The following CCSER1 variants were observed in gnomAD, a reference collection of about 807,000 sequenced individuals.
CCSER1 encodes serine-rich coiled-coil domain-containing protein 1.
Under a neutral mutation model 82.0 loss-of-function variants are expected in CCSER1, and 41 were observed. The observed-to-expected ratio is 0.50, with a 90% CI of 0.39 to 0.65. The LOEUF (loss-of-function observed/expected upper bound fraction) is 0.65. Among genes scored for constraint, CCSER1 ranks in the 30% least tolerant of loss-of-function variants. The pLI, the probability that CCSER1 is intolerant of heterozygous loss-of-function variation, is 0.00. For synonymous variants in CCSER1, 414 were observed against 383.9 expected, an observed-to-expected ratio of 1.08 and a Z score of -0.92; for missense variants, 1,119 against 1,064.2, an observed-to-expected ratio of 1.05 and a Z score of -0.72.
chr4:91,136,705 C>T (rs1340067306), intron 10 of CCSER1, among the ~76,000 whole-genome samples: 1 of 152,072 alleles, frequency 6.6e-6, no homozygotes, highest in Non-Finnish European at 1.5e-5. Context: ...TATGAAATAT[C>T]ACTGATAATT....
intron 10 of CCSER1, among the ~76,000 whole-genome samples, chr4:91,454,941 T>G (rs1421944997): frequency 6.6e-6 from 1 of 152,110 alleles, no homozygotes; most frequent in Non-Finnish European, 1.5e-5. Context: ...TCAACTGGAA[T>G]AGTAATTTTC....
intron 10 of CCSER1, among the ~76,000 whole-genome samples, chr4:91,198,273 G>C (rs2149062084): frequency 6.6e-6 from 1 of 152,174 alleles, no homozygotes; most frequent in South Asian, 2.1e-4. Flanking sequence ...TTTAAAAATA[G>C]ATTTTCACAT....
At chr4:90,790,715 A>G (rs897358371) in intron 7 of CCSER1, among the ~76,000 whole-genome samples, 1 of 152,194 alleles carries the variant, frequency 6.6e-6, no homozygotes, top group Non-Finnish European at 1.5e-5. Context: ...CACTATCAGC[A>G]TTTTGGTCAA....
At chr4:91,360,257 C>T (rs1749159774) in intron 10 of CCSER1, among the ~76,000 whole-genome samples, 1 of 151,548 alleles carries the variant, frequency 6.6e-6, no homozygotes, top group Admixed American at 6.6e-5. Flanking sequence ...ATTTTTCTTC[C>T]AGATTTGTTC....
At chr4:91,291,041 C>T (rs1008721222) in intron 10 of CCSER1, among the ~76,000 whole-genome samples, 3 of 151,100 alleles carry the variant, frequency 2.0e-5, no homozygotes, top group Admixed American at 6.6e-5. Flanking sequence ...TAAATTAGCA[C>T]CTCTTATTAA....
rs564744904 is a variant in CCSER1 at position 91,530,705 on chromosome 4, C to CA, written c.2218-67866dup. ...CTTTCTTTTTTTTTTTTTTTTGAGA[C>CA]AGAGTTTTGCTTTGGTTGCCCAGGG... On this transcript the variant is annotated intron_variant, in intron 10 of 10. Transcript: ENST00000509176. 5.3e-4 allele frequency among the ~76,000 whole-genome samples: 73 copies of CA among 137,866 alleles called. No individual in the cohort carries two copies. The East Asian group carries it at 0.015, about 28-fold the overall frequency. 90.4% of individuals were successfully genotyped at this position (137,866 alleles called of 152,430 possible). A position where few individuals can be genotyped will look rare whatever the true frequency, so the allele number is the denominator to read the frequency against.
chr4:91,470,214 A>T (rs536537106), intron 10 of CCSER1, among the ~76,000 whole-genome samples: 1 of 152,302 alleles, frequency 6.6e-6, no homozygotes, highest in Non-Finnish European at 1.5e-5. Context: ...AGTTATAGAC[A>T]CTTAGGTGCT....
chr4:91,502,392 G>GA (rs1759254972), intron 10 of CCSER1, among the ~76,000 whole-genome samples: 1 of 151,672 alleles, frequency 6.6e-6, no homozygotes, highest in African/African-American at 2.4e-5. Context: ...TATATTAAGT[G>GA]AAAAAAATTT....
In CCSER1 at chr4:90,917,407, T is replaced by C. The variant is rs374255172; in HGVS notation, c.2095-5963T>C. Among the ~76,000 whole-genome samples, 18 of 152,104 alleles carry C rather than the reference T, an allele frequency of 1.2e-4. No individual in the cohort carries two copies. In the South Asian group the frequency reaches 1.9e-3, roughly 16 times the overall value. Reference sequence around the variant, plus strand: ...GAAACCATCATTCTCAGCAAACTATTGCAAGGACAAAAAAACAAACACCGC... The same window carrying C: ...GAAACCATCATTCTCAGCAAACTATCGCAAGGACAAAAAAACAAACACCGC... On this transcript the variant is annotated intron_variant, in intron 8 of 10. Transcript: ENST00000509176.
intron 10 of CCSER1, among the ~76,000 whole-genome samples, chr4:91,248,399 T>G (rs189751116): frequency 2.0e-4 from 31 of 152,308 alleles, no homozygotes; most frequent in Admixed American, 2.0e-3. Flanking sequence ...GGAAAAACAC[T>G]ACCTCAGTCA....
chr4:90,970,450 A>G lies in CCSER1; in HGVS notation c.2172+47003A>G, dbSNP rs180989516. 3.3e-5 allele frequency among the ~76,000 whole-genome samples: 5 copies of G among 152,196 alleles called. 1 individual carries two copies. Among genetic ancestry groups the G allele is most frequent in the African/African-American group, 1.2e-4 (5 of 41,492 alleles). ...CATCTAACATACAGCACCCAAATAT[A>G]TAAAGCAAACATTAACAAAACTGAA... On this transcript the variant is annotated intron_variant, in intron 9 of 10. Transcript: ENST00000509176.
chr4:91,585,591 G>A (rs1763948941), intron 10 of CCSER1, among the ~76,000 whole-genome samples: 2 of 151,460 alleles, frequency 1.3e-5, no homozygotes, highest in Non-Finnish European at 3.0e-5. Flanking sequence ...GTTTAAAATA[G>A]TATAATTTGA....
At chr4:91,351,261 A>C (rs1297998388) in intron 10 of CCSER1, among the ~76,000 whole-genome samples, 1 of 152,050 alleles carries the variant, frequency 6.6e-6, no homozygotes, top group Non-Finnish European at 1.5e-5. Flanking sequence ...AATTGTCTTT[A>C]CATATTCTTT....
intron 10 of CCSER1, among the ~76,000 whole-genome samples, chr4:91,378,900 C>T (rs1750652176): frequency 6.6e-6 from 1 of 152,094 alleles, no homozygotes; most frequent in South Asian, 2.1e-4. Context: ...CCATAGATAG[C>T]TCTTATTATT....
At chr4:91,593,606 C>A (rs937967833) in intron 10 of CCSER1, among the ~76,000 whole-genome samples, 2 of 151,524 alleles carry the variant, frequency 1.3e-5, no homozygotes, top group African/African-American at 4.8e-5. Flanking sequence ...GCCACAGCGC[C>A]CAGCCCCCAT....
intron 1 of CCSER1, among the ~76,000 whole-genome samples, chr4:90,226,705 G>A (rs1442869836): frequency 1.3e-5 from 2 of 152,196 alleles, no homozygotes; most frequent in Non-Finnish European, 1.5e-5. Flanking sequence ...GTTGAGATAC[G>A]TGACTGTTGT....
chr4:90,528,026 A>G (rs1302990530), intron 5 of CCSER1, among the ~76,000 whole-genome samples: 1 of 152,186 alleles, frequency 6.6e-6, no homozygotes, highest in Non-Finnish European at 1.5e-5. Context: ...AAATGATGAT[A>G]ACATACAAGC....
chr4:90,868,357 C>T (rs1036148895), intron 8 of CCSER1, among the ~76,000 whole-genome samples: 4 of 152,034 alleles, frequency 2.6e-5, no homozygotes, highest in Non-Finnish European at 5.9e-5. Context: ...CCTTACTACC[C>T]TCTCCAGCCT....
intron 6 of CCSER1, among the ~76,000 whole-genome samples, chr4:90,685,767 A>G (rs1183848879): frequency 6.6e-6 from 1 of 152,314 alleles, no homozygotes; most frequent in African/African-American, 2.4e-5. Context: ...TTGGAAAATC[A>G]AACCGCGATA....
Sources: gnomAD v4.1 joint callset for allele counts (sites outside exome capture counted in the v4.1 genomes callset) on GRCh38, gnomAD v4.1.1 for gene constraint, MANE v1.5 for transcripts, NCBI Gene and HGNC (gene_info 2026-07-23, HGNC 2026-07-21) for gene names.